SOWAHA: variants seen among roughly 807,000 people sequenced by gnomAD.
SOWAHA encodes sosondowah ankyrin repeat domain family member A.
In SOWAHA, 17 loss-of-function variants were observed where a neutral mutation model predicts 21.1. That is an observed-to-expected ratio of 0.80 (90% CI 0.55 to 1.21). The LOEUF is 1.21. Among genes scored for constraint, SOWAHA ranks in the 50% most tolerant of loss-of-function variants. The pLI is 0.00. For missense variants in SOWAHA, 862 were observed against 816.0 expected (o/e 1.06, Z -0.69); for synonymous variants, 422 against 397.1 (o/e 1.06, Z -0.75).
Position 132,814,412 on chromosome 5 carries a change from CCGGTCTGGGCCT to C in SOWAHA, c.795_806del (p.Leu268_Gly271del). ...CTGAGGCGGCTCTCGGTGGAAGAGT[CCGGTCTGGGCCT>C]CGGCCTGGGCCCGGGCCGCTCCCCG... On this transcript the variant is annotated inframe_deletion, in exon 1 of 1. Coordinates refer to ENST00000378693, the MANE Select transcript of SOWAHA (RefSeq NM_175873.6). 6.7e-7 allele frequency: 1 copy of C among 1,485,400 alleles called. No homozygotes were observed. The highest frequency in any genetic ancestry group is 8.9e-7 in the Non-Finnish European group (1 of 1,126,584). The allele number at this position is 1,485,400 out of a possible 1,614,324, so 92.0% of individuals were successfully genotyped here. A position where few individuals can be genotyped will look rare whatever the true frequency, so the allele number is the denominator to read the frequency against.
rs1758383109 is a variant in SOWAHA, at chr5:132,816,188, GCACCTTTGTGC to G, written c.*920_*930del. 3 of 167,208 alleles carry G rather than the reference GCACCTTTGTGC, an allele frequency of 1.8e-5. No individual in the cohort carries two copies. The South Asian group carries it at 6.2e-4, about 35-fold the overall frequency. 10.4% of individuals were successfully genotyped at this position (167,208 alleles called of 1,614,324 possible). On this transcript the variant is annotated 3_prime_UTR_variant, in exon 1 of 1. Transcript: ENST00000378693. The stretch of plus-strand genomic sequence containing the variant: ...TTAAAAAAATTGTGGTTTGTGAATT[GCACCTTTGTGC>G]CATGTTTCTGAATCTGGTTTTCAAA...
chr5:132,814,071 C>G lies in SOWAHA; in HGVS notation c.450C>G (p.Ser150=), dbSNP rs1392504195. ...EPQDTPGGPA[S]EPAQPPGERS... is the part of the protein sequence containing the mutation. ...AGGACACCCCGGGGGGGCCGGCCTC[C>G]GAGCCCGCTCAGCCGCCCGGGGAGC... Residue 150 remains serine (S), a synonymous_variant, in exon 1 of 1, where the codon TCC becomes TCG. Transcript: ENST00000378693. The G allele has an allele frequency of 6.3e-7, 1 of 1,577,302 alleles. No homozygotes were observed. The highest frequency in any genetic ancestry group is 8.6e-7 in the Non-Finnish European group (1 of 1,167,650).
Position 132,815,918 on chromosome 5 carries a change from G to T in SOWAHA, c.*647G>T. The T allele has an allele frequency of 6.0e-6, 1 of 166,866 alleles. No individual in the cohort carries two copies. 10.3% of individuals were successfully genotyped at this position (166,866 alleles called of 1,614,324 possible). A position where few individuals can be genotyped will look rare whatever the true frequency, so the allele number is the denominator to read the frequency against. ...TAAAAGTTTATCTACCTCGTTTTAG[G>T]CAATCAAGATTCTGGAGAGTCTTGA... On this transcript the variant is annotated 3_prime_UTR_variant, in exon 1 of 1. Transcript: ENST00000378693.
chr5:132,815,206 A>G lies in SOWAHA; in HGVS notation c.1585A>G (p.Ile529Val). 1 of 1,613,768 alleles carries G rather than the reference A, an allele frequency of 6.2e-7. No individual in the cohort carries two copies. Among genetic ancestry groups the G allele is most frequent in the Non-Finnish European group, 8.5e-7 (1 of 1,180,008 alleles). Residue 529 changes from isoleucine to valine, a missense_variant, in exon 1 of 1, where the codon ATC (isoleucine) becomes GTC (valine). Physicochemically the swap from Ile to Val is conservative, Grantham distance 29 (BLOSUM62 3). Coordinates refer to ENST00000378693, the MANE Select transcript of SOWAHA (RefSeq NM_175873.6). ...IRGGLPAFSEISRRPTPGPLA... is the reference protein window; with the variant it reads ...IRGGLPAFSEVSRRPTPGPLA... Reference sequence around the variant, plus strand: ...CGGTGGTCTGCCAGCCTTCTCAGAAATCTCTCGTCGACCTACTCCGGGGCC... The same window carrying G: ...CGGTGGTCTGCCAGCCTTCTCAGAAGTCTCTCGTCGACCTACTCCGGGGCC...
In SOWAHA at chr5:132,815,286, A is replaced by C. The variant is rs1264222991; in HGVS notation, c.*15A>C. On this transcript the variant is annotated 3_prime_UTR_variant, in exon 1 of 1. Transcript: ENST00000378693. ...CAACAACCTGAAGGTCCCTGGGGCT[A>C]CCACCTGGTTGATCTATCGTGGCCT... is the stretch of plus-strand genomic sequence containing the variant. 2.5e-6 allele frequency: 4 copies of C among 1,596,314 alleles called. No homozygotes were observed. In the Admixed American group the frequency reaches 6.8e-5, roughly 27 times the overall value.
Position 132,813,752 on chromosome 5 carries a change from A to G in SOWAHA, c.131A>G (p.Asp44Gly). The change falls in exon 1 of 1, where the codon GAT (aspartate) becomes GGT (glycine). Residue 44 changes from aspartate to glycine, a missense_variant. By Grantham distance (94) the Asp-to-Gly change is moderately conservative. Coordinates refer to ENST00000378693, the MANE Select transcript of SOWAHA (RefSeq NM_175873.6). ...CTGAGCCGCTTCAAGCCGCTGCTCGATGCCGGCGACCCGCGGGGCCGCGCC... is the reference window on the plus strand; with the variant it reads ...CTGAGCCGCTTCAAGCCGCTGCTCGGTGCCGGCGACCCGCGGGGCCGCGCC... Reference protein sequence around the residue: ...ELLSRFKPLLDAGDPRGRAAR... With the variant: ...ELLSRFKPLLGAGDPRGRAAR... 3.9e-6 allele frequency: 6 copies of G among 1,547,286 alleles called. No individual in the cohort carries two copies. Among genetic ancestry groups the G allele is most frequent in the Non-Finnish European group, 4.4e-6 (5 of 1,145,644 alleles).
chr5:132,814,925 G>T lies in SOWAHA; in HGVS notation c.1304G>T (p.Arg435Leu), dbSNP rs372400375. The change falls in exon 1 of 1, where the codon CGC becomes CTC. Residue 435 changes from arginine to leucine, a missense_variant. Transcript: ENST00000378693. ...CGGCCCGGCTCCTCGTACGCGCTGC[G>T]CCGCCTTCTTGGCGATCCAGGCCTG... ...YLRPGSSYAL[R>L]RLLGDPGLRG... 1.9e-6 allele frequency: 3 copies of T among 1,555,314 alleles called. No homozygotes were observed. The highest frequency in any genetic ancestry group is 1.9e-5 in the Admixed American group (1 of 51,986).
rs1353457411 is a variant in SOWAHA at position 132,814,845 on chromosome 5, G to A, written c.1224G>A (p.Leu408=). Reference sequence around the variant, plus strand: ...CTGCCGTGCTGCTGGTGGTGCGTCTGGGTGCCCAGGTGCACGTGCGTGATC... The same window carrying A: ...CTGCCGTGCTGCTGGTGGTGCGTCTAGGTGCCCAGGTGCACGTGCGTGATC... ...EDAAVLLVVR[L]GAQVHVRDHS... is the part of the protein sequence containing the mutation. Residue 408 remains leucine, a synonymous_variant, in exon 1 of 1, where the codon CTG becomes CTA. Transcript: ENST00000378693. The A allele has an allele frequency of 2.0e-6, 3 of 1,516,932 alleles. No homozygotes were observed. The African/African-American group carries it at 4.1e-5, about 21-fold the overall frequency. The allele number at this position is 1,516,932 out of a possible 1,614,324, so 94.0% of individuals were successfully genotyped here. A position where few individuals can be genotyped will look rare whatever the true frequency, so the allele number is the denominator to read the frequency against.
rs1231282986 is a variant in SOWAHA at position 132,814,335 on chromosome 5, C to T, written c.714C>T (p.Gly238=). 6.7e-7 allele frequency: 1 copy of T among 1,483,754 alleles called. No homozygotes were observed. Among genetic ancestry groups the T allele is most frequent in the Non-Finnish European group, 8.9e-7 (1 of 1,126,576 alleles). 91.9% of individuals were successfully genotyped at this position (1,483,754 alleles called of 1,614,324 possible). The part of the protein sequence containing the change: ...ATLRLRAEEP[G]LRRQLSEEPS... ...TCCGCCTCCGGGCGGAGGAGCCCGGCCTGCGCCGGCAGCTGTCGGAGGAGC... is the reference window on the plus strand; with the variant it reads ...TCCGCCTCCGGGCGGAGGAGCCCGGTCTGCGCCGGCAGCTGTCGGAGGAGC... Residue 238 remains glycine, a synonymous_variant, in exon 1 of 1, where the codon GGC becomes GGT. Coordinates refer to ENST00000378693, the MANE Select transcript of SOWAHA (RefSeq NM_175873.6).
rs777771129 is a variant in SOWAHA at position 132,813,896 on chromosome 5, C to A, written c.275C>A (p.Pro92His). The change falls in exon 1 of 1, where the codon CCC becomes CAC. Residue 92 changes from proline (P) to histidine (H), a missense_variant. Transcript: ENST00000378693. ...KPRPPEPEPAPFGPPGAAAQP... is the reference protein window; with the variant it reads ...KPRPPEPEPAHFGPPGAAAQP... ...CGGCCCCCGGAGCCCGAGCCCGCACCCTTCGGCCCCCCGGGGGCAGCGGCC... is the reference window on the plus strand; with the variant it reads ...CGGCCCCCGGAGCCCGAGCCCGCACACTTCGGCCCCCCGGGGGCAGCGGCC... The A allele has an allele frequency of 4.5e-6, 7 of 1,547,554 alleles. No individual in the cohort carries two copies. The Middle Eastern group carries it at 5.2e-4, about 115-fold the overall frequency.
In SOWAHA at chr5:132,813,876, C is replaced by T. The variant is rs1415157801; in HGVS notation, c.255C>T (p.Pro85=). The T allele has an allele frequency of 6.5e-7, 1 of 1,548,542 alleles. No homozygotes were observed. The highest frequency in any genetic ancestry group is 8.7e-7 in the Non-Finnish European group (1 of 1,146,096). Residue 85 remains proline, a synonymous_variant, in exon 1 of 1, where the codon CCC becomes CCT. Coordinates refer to ENST00000378693, the MANE Select transcript of SOWAHA (RefSeq NM_175873.6). ...KFVVLRKKPR[P]PEPEPAPFGP... ...TGGTGCTGAGGAAGAAGCCCCGGCC[C>T]CCGGAGCCCGAGCCCGCACCCTTCG...
In SOWAHA at chr5:132,814,599, G is replaced by C. The variant is rs1213377550; in HGVS notation, c.978G>C (p.Gln326His). The C allele has an allele frequency of 6.6e-7, 1 of 1,507,708 alleles. No homozygotes were observed. Among genetic ancestry groups the C allele is most frequent in the African/African-American group, 1.4e-5 (1 of 69,788 alleles). The allele number at this position is 1,507,708 out of a possible 1,614,324, so 93.4% of individuals were successfully genotyped here. ...CTGCCGGGGGCCGCTGGACCCACCA[G>C]CTGCACGGGCTGCTGCTGCGCGACC... The part of the protein sequence containing the change: ...VRTAGGRWTH[Q>H]LHGLLLRDRG... Residue 326 changes from glutamine to histidine, a missense_variant, in exon 1 of 1, where the codon CAG (glutamine) becomes CAC (histidine). Physicochemically the swap from Gln to His is conservative, Grantham distance 24. Coordinates refer to ENST00000378693, the MANE Select transcript of SOWAHA (RefSeq NM_175873.6).
chr5:132,814,494 T>C lies in SOWAHA; in HGVS notation c.873T>C (p.Pro291=), dbSNP rs1392157924. The change falls in exon 1 of 1, where the codon CCT becomes CCC. Residue 291 remains proline (P), a synonymous_variant. Transcript: ENST00000378693. ...LSRAGPRLLS[P]DAEELPAAPP... ...GCGCCGGCCCGCGTCTGCTGAGCCC[T>C]GACGCCGAGGAGTTGCCCGCCGCGC... The C allele has an allele frequency of 7.1e-7, 1 of 1,410,156 alleles. No individual in the cohort carries two copies. The allele number at this position is 1,410,156 out of a possible 1,614,324, so 87.4% of individuals were successfully genotyped here. A position where few individuals can be genotyped will look rare whatever the true frequency, so the allele number is the denominator to read the frequency against.
rs780413451 is a variant in SOWAHA, at chr5:132,813,887, AGCCCGC to A, written c.267_272del (p.Ala91_Pro92del). On this transcript the variant is annotated inframe_deletion, in exon 1 of 1. Transcript: ENST00000378693. ...AAGAAGCCCCGGCCCCCGGAGCCCG[AGCCCGC>A]ACCCTTCGGCCCCCCGGGGGCAGCG... 118 of 1,547,784 alleles carry A rather than the reference AGCCCGC, an allele frequency of 7.6e-5. No homozygotes were observed. The South Asian group carries it at 1.3e-3, about 18-fold the overall frequency.
In SOWAHA at chr5:132,814,387, C is replaced by T; in HGVS notation, c.766C>T (p.Leu256=). 2 of 1,493,764 alleles carry T rather than the reference C, an allele frequency of 1.3e-6. No individual in the cohort carries two copies. The highest frequency in any genetic ancestry group is 1.8e-6 in the Non-Finnish European group (2 of 1,130,114). 92.5% of individuals were successfully genotyped at this position (1,493,764 alleles called of 1,614,324 possible). ...EPSPRSSPLL[L]RRLSVEESGL... is the part of the protein sequence containing the mutation. ...GAGCCCGCGGAGCTCCCCTCTGCTG[C>T]TGAGGCGGCTCTCGGTGGAAGAGTC... The change falls in exon 1 of 1, where the codon CTG becomes TTG. Residue 256 remains leucine, a synonymous_variant. Coordinates refer to ENST00000378693, the MANE Select transcript of SOWAHA (RefSeq NM_175873.6).
In SOWAHA at chr5:132,814,172, C is replaced by T; in HGVS notation, c.551C>T (p.Pro184Leu). Residue 184 changes from proline (P) to leucine (L), a missense_variant, in exon 1 of 1, where the codon CCG (proline) becomes CTG (leucine). Coordinates refer to ENST00000378693, the MANE Select transcript of SOWAHA (RefSeq NM_175873.6). ...AGACCCTCCGCAGACGCGGCCCCAC[C>T]GCCTAGGGCCCCTTCTGAGGCGGCA... ...TERPSADAAP[P>L]PRAPSEAASP... The T allele has an allele frequency of 1.9e-6, 3 of 1,598,034 alleles. No individual in the cohort carries two copies. The highest frequency in any genetic ancestry group is 1.1e-5 in the South Asian group (1 of 90,588).
chr5:132,816,361 G>A lies in SOWAHA; in HGVS notation c.*1090G>A, dbSNP rs186008859. On this transcript the variant is annotated 3_prime_UTR_variant, in exon 1 of 1. Transcript: ENST00000378693. ...ACTGTTCTGTACAAACAAAAAGTAT[G>A]TAATACCCATTTTAAAAAACCATTT... The A allele has an allele frequency of 8.4e-5, 14 of 167,084 alleles. No individual in the cohort carries two copies. Among genetic ancestry groups the A allele is most frequent in the Non-Finnish European group, 1.5e-5 (1 of 68,130 alleles). 10.4% of individuals were successfully genotyped at this position (167,084 alleles called of 1,614,324 possible).
In SOWAHA at chr5:132,815,165, A is replaced by C. The variant is rs754212201; in HGVS notation, c.1544A>C (p.Lys515Thr). Reference sequence around the variant, plus strand: ...AGCGCCTCGCCCATGGCTCCACGTAAAAAGACAAAGATCCGCGGTGGTCTG... The same window carrying C: ...AGCGCCTCGCCCATGGCTCCACGTACAAAGACAAAGATCCGCGGTGGTCTG... The part of the protein sequence containing the change: ...FLSASPMAPR[K>T]KTKIRGGLPA... The change falls in exon 1 of 1, where the codon AAA (lysine) becomes ACA (threonine). Residue 515 changes from lysine (K) to threonine (T), a missense_variant. Lys to Thr is a moderately conservative substitution (Grantham distance 78). Transcript: ENST00000378693. 74 of 1,613,910 alleles carry C rather than the reference A, an allele frequency of 4.6e-5. 1 individual carries two copies. In the South Asian group the frequency reaches 8.0e-4, roughly 17 times the overall value.
At position 132,813,724 on chromosome 5, in the gene SOWAHA, C is replaced by G. The variant is rs1246626304; in HGVS notation, c.103C>G (p.Leu35Val). 1.3e-6 allele frequency: 2 copies of G among 1,545,012 alleles called. No individual in the cohort carries two copies. The highest frequency in any genetic ancestry group is 2.5e-5 in the East Asian group (1 of 40,448). The change falls in exon 1 of 1, where the codon CTG becomes GTG. Residue 35 changes from leucine to valine, a missense_variant. Coordinates refer to ENST00000378693, the MANE Select transcript of SOWAHA (RefSeq NM_175873.6). ...CGGCGGGAAGGTGCGCAACTCCGAG[C>G]TGCTGAGCCGCTTCAAGCCGCTGCT... ...EHGGKVRNSE[L>V]LSRFKPLLDA...
Sources: allele counts gnomAD v4.1 joint callset, GRCh38; gene constraint gnomAD v4.1.1; transcripts MANE v1.5; gene names NCBI Gene and HGNC (gene_info 2026-07-23, HGNC 2026-07-21).